The following GRID2 variants were observed in gnomAD, a reference collection of about 807,000 sequenced individuals.
GRID2 encodes glutamate receptor ionotropic, delta-2.
GRID2 carries 33 observed loss-of-function variants against 114.8 expected under a neutral mutation model. The ratio of observed to expected loss-of-function variants is 0.29; its 90% CI spans 0.22 to 0.38. The LOEUF is 0.38. Among genes scored for constraint, GRID2 ranks in the 10% least tolerant of loss-of-function variants. GRID2 has a pLI of 1.00. For synonymous variants in GRID2, 505 were observed against 449.9 expected (o/e 1.12, Z -1.55); for missense variants, 1,184 against 1,257.7 (o/e 0.94, Z 0.89).
chr4:92,703,005 A>C (rs981990646), intron 2 of GRID2, among the ~76,000 whole-genome samples: 14 of 152,208 alleles, frequency 9.2e-5, no homozygotes, highest in Admixed American at 1.3e-4. Context: ...TTGCTTAAGT[A>C]GTCCCCAACT....
At chr4:92,796,631 A>G (rs945188998) in intron 2 of GRID2, among the ~76,000 whole-genome samples, 1 of 151,916 alleles carries the variant, frequency 6.6e-6, no homozygotes, top group Non-Finnish European at 1.5e-5. Context: ...TTTTGTCTGC[A>G]TTAAAAATAT....
At chr4:93,669,910 C>G (rs1404843730) in intron 14 of GRID2, among the ~76,000 whole-genome samples, 1 of 152,084 alleles carries the variant, frequency 6.6e-6, no homozygotes, top group Non-Finnish European at 1.5e-5. Context: ...TTTTTCAGAG[C>G]ACCACTTGCT....
In GRID2 at chr4:93,072,654, G is replaced by A. The variant is rs560698073; in HGVS notation, c.245-12341G>A. 4.1e-3 allele frequency among the ~76,000 whole-genome samples: 569 copies of A among 138,492 alleles called. 4 individuals are homozygous for A. The highest frequency in any genetic ancestry group is 6.6e-3 in the Non-Finnish European group (419 of 63,546). The allele number at this position is 138,492 out of a possible 152,430, so 90.9% of individuals were successfully genotyped here. On this transcript the variant is annotated intron_variant, in intron 2 of 15. Coordinates refer to ENST00000282020, the MANE Select transcript of GRID2 (RefSeq NM_001510.4). ...TTTTCTTGGAGGTTTGCAACTATTTGAAAAAAAAAAAGACTCACATATGAA... is the reference window on the plus strand; with the variant it reads ...TTTTCTTGGAGGTTTGCAACTATTTAAAAAAAAAAAAGACTCACATATGAA...
chr4:92,670,277 T>C (rs1431961557), intron 2 of GRID2, among the ~76,000 whole-genome samples: 2 of 152,058 alleles, frequency 1.3e-5, no homozygotes, highest in African/African-American at 4.8e-5. Context: ...CATACTATTA[T>C]GTTGTCATTA....
chr4:92,994,302 T>C, intron 2 of GRID2, among the ~76,000 whole-genome samples: 1 of 152,166 alleles, frequency 6.6e-6, no homozygotes, highest in East Asian at 1.9e-4. Flanking sequence ...CAACAAATCC[T>C]TAGAATCATG....
intron 4 of GRID2, among the ~76,000 whole-genome samples, chr4:93,121,701 A>C (rs2149362873): frequency 6.6e-6 from 1 of 152,272 alleles, no homozygotes; most frequent in African/African-American, 2.4e-5. Context: ...GTTACATATT[A>C]ATGCTAGCTG....
rs70940887 is a variant in GRID2 at position 92,411,655 on chromosome 4, G to GTATATATATATATATATATATATA, written c.88+106934_88+106935insATATATATATATATATATATATAT. ...TGTGTGTGTGTGTGTGTGTGTGTGT[G>GTATATATATATATATATATATATA]TATATATATATATATATATATATGA... On this transcript the variant is annotated intron_variant, in intron 1 of 15. Transcript: ENST00000282020. Among the ~76,000 whole-genome samples the GTATATATATATATATATATATATA allele has an allele frequency of 3.6e-3, 301 of 84,540 alleles. 4 individuals carry two copies. Among genetic ancestry groups the GTATATATATATATATATATATATA allele is most frequent in the African/African-American group, 4.4e-3 (75 of 17,050 alleles). The allele number at this position is 84,540 out of a possible 152,430, so 55.5% of individuals were successfully genotyped here.
chr4:93,172,545 T>C (rs1579188937), intron 4 of GRID2, among the ~76,000 whole-genome samples: 1 of 151,332 alleles, frequency 6.6e-6, no homozygotes, highest in Non-Finnish European at 1.5e-5. Flanking sequence ...TGAGCCGAGA[T>C]CCAGCCATTG....
At chr4:93,201,938 T>C (rs1243788310) in intron 4 of GRID2, among the ~76,000 whole-genome samples, 1 of 152,150 alleles carries the variant, frequency 6.6e-6, no homozygotes, top group East Asian at 1.9e-4. Flanking sequence ...TTTCCTTTTT[T>C]GCTCAATTCC....
chr4:93,785,363 G>C (rs941475974), intron 1 of GRID2, among the ~76,000 whole-genome samples: 3 of 152,180 alleles, frequency 2.0e-5, no homozygotes, highest in African/African-American at 7.2e-5. Flanking sequence ...TTGCCACTCA[G>C]ACCAGGGCTA....
chr4:93,205,403 T>A (rs1222953791), intron 4 of GRID2, among the ~76,000 whole-genome samples: 1 of 151,990 alleles, frequency 6.6e-6, no homozygotes, highest in Non-Finnish European at 1.5e-5. Context: ...TAAGAACATG[T>A]GGTGTTTGGT....
intron 8 of GRID2, among the ~76,000 whole-genome samples, chr4:93,358,055 T>C (rs1217294083): frequency 6.6e-6 from 1 of 151,836 alleles, no homozygotes; most frequent in Non-Finnish European, 1.5e-5. Context: ...ACAAACAAAG[T>C]CTTTAAGATA....
chr4:92,919,061 C>T (rs1276115959), intron 2 of GRID2, among the ~76,000 whole-genome samples: 1 of 152,168 alleles, frequency 6.6e-6, no homozygotes, highest in Non-Finnish European at 1.5e-5. Flanking sequence ...GATTCAACTT[C>T]TTCCTGGTTT....
intron 2 of GRID2, among the ~76,000 whole-genome samples, chr4:92,959,649 T>C (rs1023707803): frequency 6.6e-6 from 1 of 152,098 alleles, no homozygotes; most frequent in African/African-American, 2.4e-5. Context: ...ATCTGGCATA[T>C]ATACACCATG....
chr4:93,396,013 A>G (rs747772494), intron 9 of GRID2, among the ~76,000 whole-genome samples: 1 of 151,968 alleles, frequency 6.6e-6, no homozygotes, highest in Non-Finnish European at 1.5e-5. Context: ...CTTTCATTAA[A>G]ACTGTAGTGA....
rs144987584 is a variant in GRID2 at position 92,493,362 on chromosome 4, G to A, written c.89-96769G>A. On this transcript the variant is annotated intron_variant, in intron 1 of 15. Coordinates refer to ENST00000282020, the MANE Select transcript of GRID2 (RefSeq NM_001510.4). ...TTCTTCCACCTGATACCTATGCTGGGTAATGCATCACCATCAGCTTAGTAG... is the reference window on the plus strand; with the variant it reads ...TTCTTCCACCTGATACCTATGCTGGATAATGCATCACCATCAGCTTAGTAG... Among the ~76,000 whole-genome samples, 233 of 152,158 alleles carry A rather than the reference G, an allele frequency of 1.5e-3. 2 individuals are homozygous for A. The highest frequency in any genetic ancestry group is 5.4e-3 in the African/African-American group (226 of 41,530).
intron 2 of GRID2, among the ~76,000 whole-genome samples, chr4:93,040,838 C>T (rs962608441): frequency 6.6e-5 from 10 of 151,840 alleles, no homozygotes; most frequent in South Asian, 2.1e-4. Flanking sequence ...AAGAAATTTT[C>T]GAGGTCGGCG....
intron 1 of GRID2, among the ~76,000 whole-genome samples, chr4:92,308,938 C>T (rs765710093): frequency 6.6e-6 from 1 of 151,960 alleles, no homozygotes; most frequent in Non-Finnish European, 1.5e-5. Context: ...TACTATTCTT[C>T]TCTGTATCAT....
At chr4:93,482,166 G>A (rs1725937423) in intron 11 of GRID2, among the ~76,000 whole-genome samples, 1 of 151,876 alleles carries the variant, frequency 6.6e-6, no homozygotes, top group Non-Finnish European at 1.5e-5. Context: ...CTGAGGCTTT[G>A]TTCTTACCAT....
Sources: allele counts gnomAD v4.1 joint callset (sites outside exome capture counted in the v4.1 genomes callset), GRCh38; gene constraint gnomAD v4.1.1; transcripts MANE v1.5; gene names NCBI Gene and HGNC (gene_info 2026-07-23, HGNC 2026-07-21).